The following ST8SIA6 variants were observed in gnomAD, a reference collection of about 807,000 sequenced individuals.
ST8SIA6 encodes ST8 alpha-N-acetyl-neuraminide alpha-2,8-sialyltransferase 6.
ST8SIA6 carries 39 observed loss-of-function variants against 33.6 expected under a neutral mutation model. The observed-to-expected ratio is 1.16, with a 90% CI of 0.90 to 1.52. The LOEUF (loss-of-function observed/expected upper bound fraction) is 1.52. Ranked by LOEUF, ST8SIA6 falls within the 40% of genes most tolerant of loss-of-function variation. ST8SIA6 has a pLI of 0.00. For missense variants in ST8SIA6, 441 were observed against 443.8 expected (o/e 0.99, Z 0.06); for synonymous variants, 172 against 167.2 (o/e 1.03, Z -0.22).
chr10:17,328,649 T>C (rs1311194103), intron 5 of ST8SIA6, among the ~76,000 whole-genome samples: 6 of 152,164 alleles, frequency 3.9e-5, no homozygotes, highest in Non-Finnish European at 8.8e-5. Context: ...CCCTCATTTT[T>C]CCCTCCTGAT....
intron 2 of ST8SIA6, chr10:17,413,314 CAT>C (rs1457236478): frequency 6.7e-6 from 1 of 150,256 alleles, no homozygotes; most frequent in Non-Finnish European, 1.5e-5. Context: ...CCAGTAATAA[CAT>C]ATATTTTCTC....
chr10:17,423,917 C>T (rs896293981), intron 2 of ST8SIA6, among the ~76,000 whole-genome samples: 10 of 152,172 alleles, frequency 6.6e-5, no homozygotes, highest in Admixed American at 3.9e-4. Context: ...GTACCTACCA[C>T]GTGACAGTTA....
intron 4 of ST8SIA6, among the ~76,000 whole-genome samples, chr10:17,334,780 C>T (rs1848453288): frequency 6.6e-6 from 1 of 151,956 alleles, no homozygotes; most frequent in Non-Finnish European, 1.5e-5. Context: ...TGGAGTGAAA[C>T]ATTATTATTG....
rs890803342 is a variant in ST8SIA6, at chr10:17,316,555, A to T, written c.*4323T>A. The stretch of plus-strand genomic sequence containing the variant: ...GCAATTACTGGACTATAGGACAGAC[A>T]TATGATGAATTTTACTAACTCAGTA... On this transcript the variant is annotated 3_prime_UTR_variant, in exon 8 of 8. Transcript: ENST00000377602. Among the ~76,000 whole-genome samples, 1 of 152,134 alleles carries T rather than the reference A, an allele frequency of 6.6e-6. No individual in the cohort carries two copies. The highest frequency in any genetic ancestry group is 1.5e-5 in the Non-Finnish European group (1 of 67,972).
intron 3 of ST8SIA6, among the ~76,000 whole-genome samples, chr10:17,385,364 T>A (rs950661647): frequency 2.0e-5 from 3 of 152,210 alleles, no homozygotes; most frequent in Non-Finnish European, 4.4e-5. Context: ...ACTTCTTACA[T>A]ATAATGATTG....
intron 4 of ST8SIA6, among the ~76,000 whole-genome samples, chr10:17,358,493 G>A (rs1849267859): frequency 6.6e-6 from 1 of 152,038 alleles, no homozygotes; most frequent in African/African-American, 2.4e-5. Context: ...ATAAAGACAT[G>A]TCTCTGGATT....
intron 2 of ST8SIA6, among the ~76,000 whole-genome samples, chr10:17,422,837 A>G (rs980825091): frequency 6.6e-6 from 1 of 152,214 alleles, no homozygotes; most frequent in Non-Finnish European, 1.5e-5. Flanking sequence ...AATTTCCAAA[A>G]TTAAACAAGA....
In ST8SIA6 at chr10:17,330,699, T is replaced by G. The variant is rs1332783370; in HGVS notation, c.522+709A>C. 8.5e-5 allele frequency among the ~76,000 whole-genome samples: 13 copies of G among 152,314 alleles called. No homozygotes were observed. In the East Asian group the frequency reaches 2.5e-3, roughly 29 times the overall value. The stretch of plus-strand genomic sequence containing the variant: ...TTTGACCATCTTGATATGGCCTAAT[T>G]GTTTTTTAATGGAATCATAGAAAGA... On this transcript the variant is annotated intron_variant, in intron 5 of 7. Transcript: ENST00000377602.
chr10:17,400,806 A>G (rs1016767827), intron 2 of ST8SIA6, among the ~76,000 whole-genome samples: 1 of 152,230 alleles, frequency 6.6e-6, no homozygotes, highest in Non-Finnish European at 1.5e-5. Flanking sequence ...ATCTATGACA[A>G]ACCCACAGCC....
intron 2 of ST8SIA6, among the ~76,000 whole-genome samples, chr10:17,440,821 C>A (rs1328221626): frequency 1.3e-5 from 2 of 152,090 alleles, no homozygotes; most frequent in Non-Finnish European, 2.9e-5. Context: ...GGAGTTGTAT[C>A]TTATTGGGGT....
chr10:17,364,392 T>G (rs370955115), intron 3 of ST8SIA6, among the ~76,000 whole-genome samples: 15 of 152,316 alleles, frequency 9.8e-5, no homozygotes, highest in African/African-American at 3.6e-4. Context: ...GAATACCTTA[T>G]AGCAGACCCA....
chr10:17,363,286 G>T (rs1849454582), intron 3 of ST8SIA6, among the ~76,000 whole-genome samples: 2 of 132,062 alleles, frequency 1.5e-5, no homozygotes, highest in Non-Finnish European at 3.3e-5. Flanking sequence ...TTAAAGGCAT[G>T]CATATGTGTG....
At chr10:17,426,051 T>C (rs1269400520) in intron 2 of ST8SIA6, among the ~76,000 whole-genome samples, 1 of 152,072 alleles carries the variant, frequency 6.6e-6, no homozygotes, top group Non-Finnish European at 1.5e-5. Context: ...TGCCACCCCA[T>C]AGCATTATTC....
intron 2 of ST8SIA6, among the ~76,000 whole-genome samples, chr10:17,451,509 A>G (rs1852909937): frequency 6.6e-6 from 1 of 152,160 alleles, no homozygotes; most frequent in Non-Finnish European, 1.5e-5. Context: ...TAAAATGCCG[A>G]CTTCACCACT....
intron 2 of ST8SIA6, among the ~76,000 whole-genome samples, chr10:17,395,673 G>A (rs546508728): frequency 4.3e-4 from 66 of 152,166 alleles, no homozygotes; most frequent in African/African-American, 1.6e-3. Context: ...ACCTGTGGTC[G>A]AGAGTTCAAG....
In ST8SIA6 at chr10:17,371,689, G is replaced by A. The variant is rs1457374339; in HGVS notation, c.291-12089C>T. On this transcript the variant is annotated intron_variant, in intron 3 of 7. Transcript: ENST00000377602. ...TAATCCCAGTTACTTGGGAGGTTGC[G>A]ACAGGAGAATCGCTTGAACCCAGGA... Among the ~76,000 whole-genome samples, 2 of 150,430 alleles carry A rather than the reference G, an allele frequency of 1.3e-5. 1 individual carries two copies. Among genetic ancestry groups the A allele is most frequent in the African/African-American group, 4.9e-5 (2 of 40,822 alleles).
At chr10:17,341,942 G>C (rs12243128) in intron 4 of ST8SIA6, among the ~76,000 whole-genome samples, 1 of 143,416 alleles carries the variant, frequency 7.0e-6, no homozygotes, top group African/African-American at 2.6e-5. Flanking sequence ...GAAAGAAAAA[G>C]AAAGAAGCTG....
intron 7 of ST8SIA6, 77 bp from the exon 8 acceptor site, chr10:17,321,423 T>C (rs1847946132): frequency 2.5e-6 from 3 of 1,211,150 alleles, no homozygotes; most frequent in East Asian, 2.5e-5. Flanking sequence ...TAAAGCTGAA[T>C]TTACCATTGG....
At chr10:17,368,746 T>C (rs987646766) in intron 3 of ST8SIA6, among the ~76,000 whole-genome samples, 3 of 152,082 alleles carry the variant, frequency 2.0e-5, no homozygotes, top group Non-Finnish European at 4.4e-5. Flanking sequence ...GGGGAGACCA[T>C]TCTGGGCAAA....
Sources: gnomAD v4.1 joint callset for allele counts (sites outside exome capture counted in the v4.1 genomes callset) on GRCh38, gnomAD v4.1.1 for gene constraint, MANE v1.5 for transcripts, NCBI Gene and HGNC (gene_info 2026-07-23, HGNC 2026-07-21) for gene names.